Variants in CREB5 observed in about 807,000 individuals in gnomAD.
CREB5 encodes the protein cAMP responsive element binding protein 5, also known as cyclic AMP-responsive element-binding protein 5.
CREB5 carries 19 observed loss-of-function variants against 57.1 expected under a neutral mutation model. The ratio of observed to expected loss-of-function variants is 0.33; its 90% CI spans 0.23 to 0.49. CREB5 has a LOEUF of 0.49. CREB5 is among the 20% of genes least tolerant of loss of function. CREB5 has a pLI of 0.99. For missense variants in CREB5, 579 were observed against 671.6 expected (o/e 0.86, Z 1.52); for synonymous variants, 238 against 238.3 (o/e 1.00, Z 0.01).
chr7:28,560,881 TGCGTGCGTGTGTGTGCGTGC>T (rs1795137346), intron 4 of CREB5, among the ~76,000 whole-genome samples: 4 of 46,240 alleles, frequency 8.7e-5, no homozygotes, highest in African/African-American at 4.3e-4. Flanking sequence ...TGCGCGTGCG[TGCGTGCGTGTGTGTGCGTGC>T]GCGCGTGCGT....
chr7:28,704,821 G>A (rs1045096171), intron 5 of CREB5, among the ~76,000 whole-genome samples: 1 of 152,058 alleles, frequency 6.6e-6, no homozygotes, highest in South Asian at 2.1e-4. Context: ...CTTGAAGATT[G>A]TTGGTTCAGC....
chr7:28,568,312 G>T (rs543598516), intron 4 of CREB5, among the ~76,000 whole-genome samples: 1 of 152,308 alleles, frequency 6.6e-6, no homozygotes, highest in South Asian at 2.1e-4. Context: ...AGTCAAAAAT[G>T]GTTCTGTGCC....
intron 5 of CREB5, among the ~76,000 whole-genome samples, chr7:28,654,486 C>T (rs892033553): frequency 8.5e-5 from 13 of 152,104 alleles, no homozygotes; most frequent in Admixed American, 6.6e-4. Flanking sequence ...CTAGAGCATG[C>T]CAACATCATA....
At chr7:28,434,549 C>T (rs1313971072) in intron 1 of CREB5, among the ~76,000 whole-genome samples, 2 of 152,042 alleles carry the variant, frequency 1.3e-5, no homozygotes, top group African/African-American at 4.8e-5. Flanking sequence ...CAGAAAAAAA[C>T]AAGACAAAAT....
At chr7:28,672,182 A>ACAC (rs1554283282) in intron 5 of CREB5, among the ~76,000 whole-genome samples, 1,640 of 92,310 alleles carry the variant, frequency 0.018, 16 homozygotes, top group Middle Eastern at 0.062. Context: ...ATGGAAAAAA[A>ACAC]AAAAAAACAC....
intron 1 of CREB5, among the ~76,000 whole-genome samples, chr7:28,452,071 T>C (rs6943277): frequency 0.28 from 42,334 of 151,982 alleles, 6,070 homozygotes; most frequent in South Asian, 0.36. Flanking sequence ...TCTATTTCAG[T>C]GCTGCACCAG....
intron 5 of CREB5, among the ~76,000 whole-genome samples, chr7:28,717,851 TC>T (rs1802789944): frequency 6.6e-6 from 1 of 152,146 alleles, no homozygotes; most frequent in Non-Finnish European, 1.5e-5. Context: ...TTTATACAGC[TC>T]CCCAGAGCAA....
At chr7:28,341,149 C>T (rs1785929450) in intron 1 of CREB5, among the ~76,000 whole-genome samples, 1 of 152,068 alleles carries the variant, frequency 6.6e-6, no homozygotes, top group South Asian at 2.1e-4. Context: ...GATAGTTGTT[C>T]AATTTGGTGC....
chr7:28,752,518 C>T (rs1322141702), intron 7 of CREB5, among the ~76,000 whole-genome samples: 1 of 152,316 alleles, frequency 6.6e-6, no homozygotes, highest in East Asian at 1.9e-4. Context: ...GACAAGCGAA[C>T]ACCCTACTTT....
chr7:28,359,220 C>CAAAAAAAA (rs372948967), intron 1 of CREB5, among the ~76,000 whole-genome samples: 1 of 80,064 alleles, frequency 1.2e-5, no homozygotes, highest in African/African-American at 4.0e-5. Flanking sequence ...ACACACAAAA[C>CAAAAAAAA]AAATAAAAAA....
chr7:28,471,284 T>G (rs773096378), intron 1 of CREB5, among the ~76,000 whole-genome samples: 8 of 152,210 alleles, frequency 5.3e-5, no homozygotes, highest in Non-Finnish European at 7.4e-5. Context: ...TTCATTCTTC[T>G]GTGTATGGAT....
At chr7:28,328,246 G>T (rs1020787401) in intron 1 of CREB5, among the ~76,000 whole-genome samples, 1 of 152,124 alleles carries the variant, frequency 6.6e-6, no homozygotes, top group Admixed American at 6.5e-5. Context: ...TTCAGTTTTA[G>T]CCTCCCTTCT....
At position 28,593,407 on chromosome 7, in the gene CREB5, C is replaced by G. The variant is rs1796593118; in HGVS notation, c.464+22870C>G. ...AGGATTACAAGCATGCGCCACCACG[C>G]CTGGCTAATTTTTGTATTTTTAGTG... is the stretch of plus-strand genomic sequence containing the variant. On this transcript the variant is annotated intron_variant, in intron 5 of 10. Coordinates refer to ENST00000357727, the MANE Select transcript of CREB5 (RefSeq NM_182898.4). Among the ~76,000 whole-genome samples, 4 of 152,210 alleles carry G rather than the reference C, an allele frequency of 2.6e-5. No homozygotes were observed. The South Asian group carries it at 8.3e-4, about 32-fold the overall frequency.
intron 5 of CREB5, among the ~76,000 whole-genome samples, chr7:28,679,804 C>T (rs1392253077): frequency 2.0e-5 from 3 of 152,148 alleles, no homozygotes; most frequent in African/African-American, 4.8e-5. Flanking sequence ...AGCGAATGGT[C>T]GCATTCCCAA....
chr7:28,798,897 T>A (rs2128796621), intron 7 of CREB5, among the ~76,000 whole-genome samples: 1 of 152,350 alleles, frequency 6.6e-6, no homozygotes, highest in East Asian at 1.9e-4. Flanking sequence ...GGTGGAATGT[T>A]ATTTAAAACA....
chr7:28,415,931 G>A (rs1307644931), intron 1 of CREB5, among the ~76,000 whole-genome samples: 1 of 152,208 alleles, frequency 6.6e-6, no homozygotes, highest in Admixed American at 6.5e-5. Flanking sequence ...TGTGTTTGGA[G>A]GTGACGAGAA....
At chr7:28,482,216 C>A (rs576553022) in intron 1 of CREB5, among the ~76,000 whole-genome samples, 1 of 152,314 alleles carries the variant, frequency 6.6e-6, no homozygotes, top group South Asian at 2.1e-4. Context: ...ATATGCAATT[C>A]CTTCCCAACA....
chr7:28,610,095 T>C (rs1797324636), intron 5 of CREB5, among the ~76,000 whole-genome samples: 1 of 152,210 alleles, frequency 6.6e-6, no homozygotes, highest in East Asian at 1.9e-4. Context: ...TCAAGCATTG[T>C]AACTCATGCT....
In CREB5 at chr7:28,315,610, C is replaced by T. The variant is rs180965093; in HGVS notation, c.-25+16169C>T. On this transcript the variant is annotated intron_variant, in intron 1 of 9. Coordinates refer to the CREB5 transcript ENST00000396299. ...TGTGTTTTCATTTTGTTTTTCCCTA[C>T]AGTTTCAATCTTCTTTCCTCCCAGA... 6.6e-5 allele frequency among the ~76,000 whole-genome samples: 10 copies of T among 152,334 alleles called. No individual in the cohort carries two copies. The East Asian group carries it at 1.2e-3, about 18-fold the overall frequency.
Sources: allele counts gnomAD v4.1 joint callset (sites outside exome capture counted in the v4.1 genomes callset), GRCh38; gene constraint gnomAD v4.1.1; transcripts MANE v1.5; gene names NCBI Gene and HGNC (gene_info 2026-07-23, HGNC 2026-07-21).